Variants in SMS observed in about 807,000 individuals in gnomAD.
SMS encodes the protein spermidine aminopropyltransferase.
A neutral mutation model predicts 33.0 loss-of-function variants in SMS; 3 were observed. That is an observed-to-expected ratio of 0.09 (90% CI 0.04 to 0.23). The LOEUF is 0.23. Ranked by LOEUF, SMS falls within the 10% of genes least tolerant of loss-of-function variation. SMS has a pLI of 1.00. For missense variants in SMS, 117 were observed against 288.6 expected (o/e 0.41, Z 4.31); for synonymous variants, 103 against 112.2 (o/e 0.92, Z 0.52).
At chrX:21,990,293 C>T (rs1602225596) in intron 9 of SMS, among the ~76,000 whole-genome samples, 1 of 112,301 alleles carries the variant, frequency 8.9e-6, no homozygotes, top group Non-Finnish European at 1.9e-5. Context: ...CAGCAAGACC[C>T]TGTCTCTGAA....
At chrX:21,968,837 G>A (rs1297460993) in intron 2 of SMS, among the ~76,000 whole-genome samples, 2 of 111,794 alleles carry the variant, frequency 1.8e-5, no homozygotes, top group Non-Finnish European at 3.8e-5. Flanking sequence ...CTCAGGTGAT[G>A]AGTGCACCAA....
chrX:21,959,488 G>T (rs970115444), intron 1 of SMS, among the ~76,000 whole-genome samples: 6 of 111,454 alleles, frequency 5.4e-5, no homozygotes, highest in Admixed American at 9.6e-5. Context: ...CTTTTCAGAG[G>T]GGTTATGCCA....
chrX:21,944,835 G>A (rs940801503), intron 1 of SMS, among the ~76,000 whole-genome samples: 4 of 110,828 alleles, frequency 3.6e-5, no homozygotes, highest in South Asian at 3.8e-4. Context: ...AAAATCAGCC[G>A]GGTGTTGGTG....
At chrX:21,968,233 A>G (rs1923878531) in intron 2 of SMS, among the ~76,000 whole-genome samples, 1 of 112,766 alleles carries the variant, frequency 8.9e-6, no homozygotes, top group Non-Finnish European at 1.9e-5. Context: ...GCGCTTTGCC[A>G]TCTTCCTGGC....
chrX:21,988,471 C>G (rs1184167353), intron 9 of SMS, among the ~76,000 whole-genome samples: 1 of 109,461 alleles, frequency 9.1e-6, no homozygotes, highest in Non-Finnish European at 1.9e-5. Flanking sequence ...AAAGATCATC[C>G]TGGCTAACGT....
intron 1 of SMS, among the ~76,000 whole-genome samples, chrX:21,965,649 G>A (rs1361133409): frequency 9.4e-6 from 1 of 106,537 alleles, no homozygotes. Context: ...TCGGGAGGCT[G>A]AGGCAGGAGA....
In SMS at chrX:21,983,350, CTT is replaced by C. The variant is rs1258783110; in HGVS notation, c.751-953_751-952del. Among the ~76,000 whole-genome samples the C allele has an allele frequency of 7.2e-5, 8 of 110,875 alleles. No individual in the cohort carries two copies. The Admixed American group carries it at 7.8e-4, about 11-fold the overall frequency. On this transcript the variant is annotated intron_variant, in intron 7 of 10. Transcript: ENST00000404933. ...GCCACTGACCCCAGCCTGGCAAACTCTTAAACTCTTGGTTTCTGACTATTATA... is the reference window on the plus strand; with the variant it reads ...GCCACTGACCCCAGCCTGGCAAACTCAAACTCTTGGTTTCTGACTATTATA...
At chrX:21,992,935 A>G (rs773689735) in intron 10 of SMS, among the ~76,000 whole-genome samples, 4 of 112,197 alleles carry the variant, frequency 3.6e-5, no homozygotes, top group Non-Finnish European at 7.5e-5. Flanking sequence ...CTGGCTTGCC[A>G]CAGCTTTCCA....
At chrX:21,956,215 T>C (rs972570551) in intron 1 of SMS, among the ~76,000 whole-genome samples, 4 of 112,396 alleles carry the variant, frequency 3.6e-5, no homozygotes, top group African/African-American at 9.7e-5. Context: ...TGTTGTGTTT[T>C]TCTTCTGTAG....
intron 2 of SMS, among the ~76,000 whole-genome samples, chrX:21,967,690 G>A (rs978914055): frequency 1.8e-5 from 2 of 112,051 alleles, no homozygotes; most frequent in African/African-American, 6.5e-5. Flanking sequence ...TAGTTCATGA[G>A]GTAGATGAGT....
intron 1 of SMS, among the ~76,000 whole-genome samples, chrX:21,950,540 C>T (rs1371383578): frequency 9.4e-6 from 1 of 106,821 alleles, no homozygotes; most frequent in Non-Finnish European, 1.9e-5. Context: ...TACCTATCAA[C>T]CTGTCATCTA....
At chrX:21,953,043 A>G (rs764415325) in intron 1 of SMS, among the ~76,000 whole-genome samples, 78 of 109,667 alleles carry the variant, frequency 7.1e-4, no homozygotes, top group Non-Finnish European at 3.6e-4. Context: ...GATTACAGAC[A>G]TGAGCCACCA....
At chrX:21,958,152 T>A (rs749735243) in intron 1 of SMS, among the ~76,000 whole-genome samples, 2 of 112,329 alleles carry the variant, frequency 1.8e-5, no homozygotes. Context: ...TTGTTGCATT[T>A]GCTTTTGGGT....
intron 1 of SMS, among the ~76,000 whole-genome samples, chrX:21,963,424 C>T (rs960945190): frequency 4.4e-5 from 5 of 112,690 alleles, no homozygotes; most frequent in African/African-American, 1.6e-4. Flanking sequence ...CTTCCAGAAA[C>T]ACGTTCAGCT....
chrX:21,959,847 G>T (rs1463678386), intron 1 of SMS: 2 of 623,798 alleles, frequency 3.2e-6, no homozygotes, highest in Non-Finnish European at 3.8e-6. Flanking sequence ...CCCCTTGCGG[G>T]GGAGTTGCAG....
At chrX:21,963,301 ATGG>A (rs1923484867) in intron 1 of SMS, among the ~76,000 whole-genome samples, 1 of 111,269 alleles carries the variant, frequency 9.0e-6, no homozygotes, top group African/African-American at 3.3e-5. Flanking sequence ...GGTGGGCAAA[ATGG>A]TGGTGTCCCC....
intron 10 of SMS, among the ~76,000 whole-genome samples, chrX:21,993,408 A>G (rs1925885671): frequency 8.9e-6 from 1 of 112,726 alleles, no homozygotes; most frequent in Non-Finnish European, 1.9e-5. Context: ...GAGCATTATC[A>G]TTGGAAATTT....
chrX:21,972,408 T>A, intron 3 of SMS, 99 bp from the exon 4 acceptor site: 1 of 572,844 alleles, frequency 1.7e-6, no homozygotes, highest in Non-Finnish European at 3.0e-6. Context: ...AGGTCAATCT[T>A]GCACAGCTCT....
intron 1 of SMS, 46 bp downstream of exon 1, chrX:21,940,919 GC>G: frequency 3.2e-6 from 3 of 932,723 alleles, no homozygotes; most frequent in Non-Finnish European, 4.2e-6. Context: ...CGCCGCTCCC[GC>G]CGCCTGGCGG....
Sources: gnomAD v4.1 joint callset for allele counts (sites outside exome capture counted in the v4.1 genomes callset) on GRCh38, gnomAD v4.1.1 for gene constraint, MANE v1.5 for transcripts, NCBI Gene and HGNC (gene_info 2026-07-23, HGNC 2026-07-21) for gene names.